The following PRICKLE4 variants were observed in gnomAD, a reference collection of about 807,000 sequenced individuals.
PRICKLE4 encodes the protein prickle planar cell polarity protein 4.
PRICKLE4 carries 40 observed loss-of-function variants against 43.5 expected under a neutral mutation model. The observed-to-expected ratio is 0.92, with a 90% CI of 0.71 to 1.20. PRICKLE4 has a LOEUF of 1.20. Among genes scored for constraint, PRICKLE4 ranks in the 50% most tolerant of loss-of-function variants. The pLI is 0.00. For synonymous variants in PRICKLE4, 208 were observed against 197.4 expected, an observed-to-expected ratio of 1.05 and a Z score of -0.45; for missense variants, 527 against 491.2, an observed-to-expected ratio of 1.07 and a Z score of -0.69.
intron 3 of PRICKLE4, 40 bp downstream of exon 3, chr6:41,783,645 T>C (rs1772588354): frequency 1.2e-6 from 2 of 1,613,898 alleles, no homozygotes; most frequent in East Asian, 2.2e-5. Context: ...CAACATGTCC[T>C]CTATCCTGTG....
rs753785261 is a variant in PRICKLE4 at position 41,785,416 on chromosome 6, G to A, written c.458G>A (p.Cys153Tyr). Residue 153 changes from cysteine (C) to tyrosine (Y), a missense_variant, in exon 6 of 8, where the codon TGC (cysteine) becomes TAC (tyrosine). Transcript: ENST00000458694. Reference sequence around the variant, plus strand: ...GAACAGCGCTGCTGGCACCAGCCTTGCTTTGCCTGCCAGGCCTGTGGCCAG... The same window carrying A: ...GAACAGCGCTGCTGGCACCAGCCTTACTTTGCCTGCCAGGCCTGTGGCCAG... ...AGEQRCWHQP[C>Y]FACQACGQAL... The A allele has an allele frequency of 1.2e-6, 2 of 1,614,138 alleles. No homozygotes were observed. The highest frequency in any genetic ancestry group is 1.7e-6 in the Non-Finnish European group (2 of 1,180,054).
At chr6:41,782,601 C>A (rs925608944) in intron 2 of PRICKLE4, among the ~76,000 whole-genome samples, 1 of 151,058 alleles carries the variant, frequency 6.6e-6, no homozygotes, top group African/African-American at 2.4e-5. Flanking sequence ...ACCGTGTTAG[C>A]CAGGATGGTC....
chr6:41,786,691 C>T (rs1212638356), intron 7 of PRICKLE4, 71 bp from the exon 8 acceptor site: 3 of 1,605,690 alleles, frequency 1.9e-6, no homozygotes, highest in South Asian at 1.1e-5. Context: ...CTGGGCCTCA[C>T]CCCCACTAGC....
In PRICKLE4 at chr6:41,785,318, A is replaced by G. The variant is rs1772622888; in HGVS notation, c.379-19A>G. 1 of 1,612,506 alleles carries G rather than the reference A, an allele frequency of 6.2e-7. No homozygotes were observed. The highest frequency in any genetic ancestry group is 8.5e-7 in the Non-Finnish European group (1 of 1,179,100). On this transcript the variant is annotated intron_variant, in intron 5 of 7. Coordinates refer to ENST00000458694, the MANE Select transcript of PRICKLE4 (RefSeq NM_013397.6). ...TGGTAGTGCTTACTCCGACCACCTCAGCACCTCCCCTCTGACAGTGTAGGG... is the reference window on the plus strand; with the variant it reads ...TGGTAGTGCTTACTCCGACCACCTCGGCACCTCCCCTCTGACAGTGTAGGG...
At chr6:41,785,105 C>T (rs373105771) in intron 5 of PRICKLE4, 33 bp downstream of exon 5, 94 of 1,610,620 alleles carry the variant, frequency 5.8e-5, no homozygotes, top group Non-Finnish European at 7.2e-5. Context: ...AATTCCCCTT[C>T]CTCTATTCTT....
At chr6:41,781,289 G>A (rs1772549164) in intron 1 of PRICKLE4, 61 bp from the exon 2 acceptor site, 1 of 152,700 alleles carries the variant, frequency 6.5e-6, no homozygotes. Flanking sequence ...TTGGAAGGGT[G>A]AGGAATAGAG....
intron 2 of PRICKLE4, among the ~76,000 whole-genome samples, chr6:41,782,386 C>CTTTT (rs71545914): frequency 5.2e-5 from 2 of 38,326 alleles, no homozygotes; most frequent in Admixed American, 4.6e-4. Context: ...GTCACTTCTT[C>CTTTT]TTTTTTTTTT....
In PRICKLE4 at chr6:41,786,847, C is replaced by A; in HGVS notation, c.873C>A (p.Ala291=). The change falls in exon 8 of 8, where the codon GCC becomes GCA. Residue 291 remains alanine (A), a synonymous_variant. Transcript: ENST00000458694. ...ATLSRTLLAA[A]GGSSLQTQRG... ...TCTCCCGAACACTCCTCGCTGCTGC[C>A]GGCGGTTCCAGCCTGCAAACTCAGA... is the stretch of plus-strand genomic sequence containing the variant. 1.2e-6 allele frequency: 2 copies of A among 1,601,604 alleles called. No individual in the cohort carries two copies. Among genetic ancestry groups the A allele is most frequent in the South Asian group, 1.1e-5 (1 of 89,620 alleles).
chr6:41,786,390 C>A, intron 7 of PRICKLE4, 58 bp downstream of exon 7: 1 of 1,508,072 alleles, frequency 6.6e-7, no homozygotes, highest in Non-Finnish European at 8.9e-7. Flanking sequence ...TGTGGGGGTT[C>A]TCCCGGGCTG....
At chr6:41,783,428 A>G (rs901109621) in intron 2 of PRICKLE4, 34 bp from the exon 3 acceptor site, 2 of 1,448,154 alleles carry the variant, frequency 1.4e-6, no homozygotes, top group African/African-American at 1.4e-5. Context: ...GTAACGGCCT[A>G]ATACATGGAG....
At position 41,786,521 on chromosome 6, in the gene PRICKLE4, G is replaced by A. The variant is rs553579020; in HGVS notation, c.787+189G>A. 1.1e-4 allele frequency: 117 copies of A among 1,025,582 alleles called. 2 individuals are homozygous for A. In the East Asian group the frequency reaches 2.3e-3, roughly 20 times the overall value. 63.5% of individuals were successfully genotyped at this position (1,025,582 alleles called of 1,614,324 possible). A position where few individuals can be genotyped will look rare whatever the true frequency, so the allele number is the denominator to read the frequency against. On this transcript the variant is annotated intron_variant, in intron 7 of 7. Transcript: ENST00000458694. ...GCATCCCTGGCCGGAGCGTTCCAAG[G>A]GCCGCCCGAACCCACCCCGCGCCGC...
intron 4 of PRICKLE4, 133 bp downstream of exon 4, chr6:41,784,371 C>A: frequency 1.5e-6 from 1 of 686,308 alleles, no homozygotes; most frequent in South Asian, 2.1e-5. Flanking sequence ...GTTGGGGCGT[C>A]ATTCTCCCCC....
intron 3 of PRICKLE4, 193 bp downstream of exon 3, chr6:41,783,798 T>C (rs906888795): frequency 1.2e-6 from 1 of 834,718 alleles, no homozygotes; most frequent in South Asian, 1.4e-5. Flanking sequence ...CACATGAGTA[T>C]TCATTATCTC....
At chr6:41,785,254 G>C in intron 5 of PRICKLE4, 83 bp from the exon 6 acceptor site, 1 of 1,531,498 alleles carries the variant, frequency 6.5e-7, no homozygotes. Context: ...GCGAGAACAG[G>C]TTGGGATCGG....
Position 41,783,623 on chromosome 6 carries a change from T to C in PRICKLE4, c.132+18T>C. The C allele has an allele frequency of 6.2e-7, 1 of 1,613,248 alleles. No individual in the cohort carries two copies. Among genetic ancestry groups the C allele is most frequent in the Non-Finnish European group, 8.5e-7 (1 of 1,179,360 alleles). On this transcript the variant is annotated intron_variant, in intron 3 of 7. Transcript: ENST00000458694. Reference sequence around the variant, plus strand: ...ATGCTCAGGTAGTAGAGTCGTGCCCTTCCTCTGAGACCAACATGTCCTCTA... The same window carrying C: ...ATGCTCAGGTAGTAGAGTCGTGCCCCTCCTCTGAGACCAACATGTCCTCTA...
chr6:41,786,269 G>T lies in PRICKLE4; in HGVS notation c.724G>T (p.Glu242Ter). The T allele has an allele frequency of 6.3e-7, 1 of 1,598,878 alleles. No homozygotes were observed. ...AAGCCCCTGCTGCCCCAGCTGCTTCGAGAACCGCTACTCGGATGCAGGCTC... is the reference window on the plus strand; with the variant it reads ...AAGCCCCTGCTGCCCCAGCTGCTTCTAGAACCGCTACTCGGATGCAGGCTC... ...GGSPCCPSCF[E>*]NRYSDAGSSW... The change falls in exon 7 of 8, where the codon GAG becomes TAG. Residue 242 changes from glutamate (E) to a stop codon, truncating the protein, a stop_gained. Transcript: ENST00000458694. LOFTEE classifies it high-confidence loss of function.
At chr6:41,786,421 C>T (rs1344308957) in intron 7 of PRICKLE4, 89 bp downstream of exon 7, 6 of 1,402,402 alleles carry the variant, frequency 4.3e-6, no homozygotes, top group Non-Finnish European at 9.7e-7. Context: ...CCCGGTCCCA[C>T]GCCGTCCCGT....
chr6:41,784,860 C>T (rs114793773), intron 4 of PRICKLE4, 75 bp from the exon 5 acceptor site: 65,576 of 1,579,092 alleles, frequency 0.042, 1,611 homozygotes, highest in Non-Finnish European at 0.049. Flanking sequence ...AGCAGCCAAG[C>T]CCTTTTTCCT....
chr6:41,787,388 G>T lies in PRICKLE4; in HGVS notation c.*259G>T. The T allele has an allele frequency of 3.2e-6, 2 of 619,916 alleles. No individual in the cohort carries two copies. The highest frequency in any genetic ancestry group is 5.5e-6 in the Non-Finnish European group (2 of 366,152). The allele number at this position is 619,916 out of a possible 1,614,324, so 38.4% of individuals were successfully genotyped here. ...GATAGCCCCTACCCCCACCTCCACA[G>T]GCTGGGACAGCCCCGTCCCCACCAT... is the stretch of plus-strand genomic sequence containing the variant. On this transcript the variant is annotated 3_prime_UTR_variant, in exon 8 of 8. Transcript: ENST00000458694.
Sources: gnomAD v4.1 joint callset for allele counts (sites outside exome capture counted in the v4.1 genomes callset) on GRCh38, gnomAD v4.1.1 for gene constraint, MANE v1.5 for transcripts, NCBI Gene and HGNC (gene_info 2026-07-23, HGNC 2026-07-21) for gene names.